SHISAL1: variants seen among roughly 807,000 people sequenced by gnomAD.
SHISAL1 encodes the protein protein shisa-like-1.
A neutral mutation model predicts 22.6 loss-of-function variants in SHISAL1; 9 were observed. The observed-to-expected ratio is 0.40, with a 90% CI of 0.24 to 0.70. The LOEUF (loss-of-function observed/expected upper bound fraction) is 0.70, where lower values mean the gene tolerates loss of function less well. Among genes scored for constraint, SHISAL1 ranks in the 30% least tolerant of loss-of-function variants. The pLI is 0.39. For missense variants in SHISAL1, 246 were observed against 270.6 expected (o/e 0.91, Z 0.64); for synonymous variants, 119 against 115.4 (o/e 1.03, Z -0.20).
At chr22:44,314,667 C>G (rs2055545983), upstream of SHISAL1, among the ~76,000 whole-genome samples, 1 of 152,138 alleles carries the variant, frequency 6.6e-6, no homozygotes, top group African/African-American at 2.4e-5. Context: ...CACAGTGGGT[C>G]TTTGCCTCAG....
chr22:44,316,569 GTGA>G (rs776188662), upstream of SHISAL1, among the ~76,000 whole-genome samples: 49 of 152,182 alleles, frequency 3.2e-4, no homozygotes, highest in Non-Finnish European at 6.5e-4. Context: ...ACATGAATGA[GTGA>G]TGGTGTGTTC....
At chr22:44,315,258 T>G (rs1009830079), upstream of SHISAL1, among the ~76,000 whole-genome samples, 13 of 151,972 alleles carry the variant, frequency 8.6e-5, no homozygotes, top group Admixed American at 8.5e-4. Flanking sequence ...TCAAAATATA[T>G]GTAAAGAAAA....
Position 44,310,510 on chromosome 22 carries a change from G to C in SHISAL1, c.-33+2241C>G, listed in dbSNP as rs907924240. ...GGTGATCTAGGGCAAGTTACTTCAC[G>C]GGCTTCAGCTTCCTCATCTGTGAAA... On this transcript the variant is annotated intron_variant, in intron 1 of 4. Coordinates refer to ENST00000381176, the MANE Select transcript of SHISAL1 (RefSeq NM_001099294.2). The surrounding 1 kb of genome is among the most constrained non-coding windows in gnomAD (Gnocchi z 4.0). 2.0e-5 allele frequency among the ~76,000 whole-genome samples: 3 copies of C among 152,094 alleles called. No homozygotes were observed. The highest frequency in any genetic ancestry group is 2.9e-5 in the Non-Finnish European group (2 of 68,026).
rs745713987 is a variant in SHISAL1 at position 44,300,915 on chromosome 22, C to T, written c.31G>A (p.Val11Met). MTSCGQQSLN[V>M]LAVLFSLLFS... The stretch of plus-strand genomic sequence containing the variant: ...AGCAATGAGAAGAGGACGGCGAGCA[C>T]GTTCAAGGACTGCTGGCCACAACTG... Residue 11 changes from valine (V) to methionine (M), a missense_variant, in exon 2 of 5, where the codon GTG (valine) becomes ATG (methionine). Around this residue, in one of 2 missense-constraint regions of SHISAL1, gnomAD observed 110 missense variants for 153.1 expected, o/e 0.72. Coordinates refer to ENST00000381176, the MANE Select transcript of SHISAL1 (RefSeq NM_001099294.2). The T allele has an allele frequency of 8.7e-6, 14 of 1,614,160 alleles. No individual in the cohort carries two copies. Among genetic ancestry groups the T allele is most frequent in the South Asian group, 2.2e-5 (2 of 91,084 alleles).
chr22:44,269,390 C>G (rs1354425483), intron 4 of SHISAL1, among the ~76,000 whole-genome samples: 1 of 150,862 alleles, frequency 6.6e-6, no homozygotes, highest in South Asian at 2.1e-4. Context: ...CCATGACACA[C>G]AGACACCCAC....
chr22:44,279,812 T>C (rs2055264052), intron 4 of SHISAL1, among the ~76,000 whole-genome samples: 1 of 152,224 alleles, frequency 6.6e-6, no homozygotes, highest in African/African-American at 2.4e-5. Context: ...GCCCTGTCCC[T>C]GCATGCCCCA....
At chr22:44,326,523 T>A in the SHISAL1 span, among the ~76,000 whole-genome samples, 197 of 152,020 alleles carry the variant, frequency 1.3e-3, 1 homozygote, top group South Asian at 0.017. Context: ...CAAAAAAAAA[T>A]TTTTTTTCCC....
At chr22:44,294,518 T>C (rs2055373452) in intron 3 of SHISAL1, among the ~76,000 whole-genome samples, 1 of 152,166 alleles carries the variant, frequency 6.6e-6, no homozygotes, top group South Asian at 2.1e-4. Flanking sequence ...CTCATGCTTA[T>C]TGGGAAAATA....
intron 4 of SHISAL1, among the ~76,000 whole-genome samples, chr22:44,252,151 G>A (rs1460675292): frequency 1.3e-5 from 2 of 152,098 alleles, no homozygotes; most frequent in Admixed American, 6.6e-5. Context: ...AAGTTGGAGG[G>A]GTGGAGATGA....
At chr22:44,272,762 C>A (rs1332985197) in intron 4 of SHISAL1, among the ~76,000 whole-genome samples, 1 of 152,174 alleles carries the variant, frequency 6.6e-6, no homozygotes, top group Non-Finnish European at 1.5e-5. Context: ...GCTACCATTG[C>A]CCTGGGTGCC....
intron 4 of SHISAL1, among the ~76,000 whole-genome samples, chr22:44,273,748 A>T (rs1294389321): frequency 1.3e-5 from 2 of 152,258 alleles, no homozygotes; most frequent in African/African-American, 4.8e-5. Context: ...TGAGGGATGT[A>T]TACAGACAAG....
chr22:44,294,153 A>G (rs1163869278), intron 3 of SHISAL1, among the ~76,000 whole-genome samples: 1 of 152,194 alleles, frequency 6.6e-6, no homozygotes, highest in Non-Finnish European at 1.5e-5. Context: ...TGTCTTATAC[A>G]AGGCTTGGGT....
chr22:44,261,100 C>T (rs2748865), intron 4 of SHISAL1, among the ~76,000 whole-genome samples: 71,566 of 114,468 alleles, frequency 0.63, 22,922 homozygotes, highest in East Asian at 0.75. Context: ...TATATATATA[C>T]ACTATATGGA....
At chr22:44,317,846 C>G (rs918812272), upstream of SHISAL1, among the ~76,000 whole-genome samples, 2 of 152,224 alleles carry the variant, frequency 1.3e-5, no homozygotes, top group African/African-American at 4.8e-5. Flanking sequence ...TCTGCTTAGT[C>G]GTCCCCAAAC....
In SHISAL1 at chr22:44,243,862, CTCACATGAAG is replaced by C. The variant is rs1290015381; in HGVS notation, c.*5813_*5822del. ...AGCTCTCAGGGAGACCCCATGCCTG[CTCACATGAAG>C]TCAGAGTTTACGGGAGAGAAAATAT... On this transcript the variant is annotated 3_prime_UTR_variant, in exon 5 of 5. Transcript: ENST00000381176. 6.6e-6 allele frequency: 1 copy of C among 152,226 alleles called. No homozygotes were observed. Among genetic ancestry groups the C allele is most frequent in the Non-Finnish European group, 1.5e-5 (1 of 68,048 alleles). The allele number at this position is 152,226 out of a possible 1,614,324, so 9.4% of individuals were successfully genotyped here.
At chr22:44,277,992 G>A (rs1477533533) in intron 4 of SHISAL1, among the ~76,000 whole-genome samples, 3 of 152,202 alleles carry the variant, frequency 2.0e-5, no homozygotes, top group Admixed American at 1.3e-4. Context: ...GTGTCCTTGT[G>A]ATGGTTAATA....
chr22:44,251,993 T>C (rs950485633), intron 4 of SHISAL1, among the ~76,000 whole-genome samples: 4 of 152,096 alleles, frequency 2.6e-5, no homozygotes, highest in Non-Finnish European at 5.9e-5. Flanking sequence ...ACAAATGCAA[T>C]GAAGAGAAAT....
intron 4 of SHISAL1, among the ~76,000 whole-genome samples, chr22:44,280,638 G>A (rs190101244): frequency 1.3e-5 from 2 of 152,278 alleles, no homozygotes; most frequent in African/African-American, 4.8e-5. Flanking sequence ...CAGGCTAGGA[G>A]GCAGCCGAGG....
chr22:44,321,397 T>G, the SHISAL1 span, among the ~76,000 whole-genome samples: 2 of 152,168 alleles, frequency 1.3e-5, no homozygotes. Context: ...TCCCCTTGCT[T>G]GTCAACCTGG....
Sources: allele counts gnomAD v4.1 joint callset (sites outside exome capture counted in the v4.1 genomes callset), GRCh38; gene constraint gnomAD v4.1.1; regional missense constraint gnomAD v4.1.1; non-coding constraint Gnocchi (gnomAD v3.1); transcripts MANE v1.5; gene names NCBI Gene and HGNC (gene_info 2026-07-23, HGNC 2026-07-21).